Variants in SUMF1 observed in about 807,000 individuals in gnomAD.
SUMF1 encodes formylglycine-generating enzyme.
Under a neutral mutation model 47.6 loss-of-function variants are expected in SUMF1, and 48 were observed. That is an observed-to-expected ratio of 1.01 (90% CI 0.80 to 1.28). The LOEUF (loss-of-function observed/expected upper bound fraction) is 1.28. Ranked by LOEUF, SUMF1 falls within the 50% of genes most tolerant of loss-of-function variation. The pLI is 0.00. For missense variants in SUMF1, 571 were observed against 485.4 expected, an observed-to-expected ratio of 1.18 and a Z score of -1.66; for synonymous variants, 230 against 192.1, an observed-to-expected ratio of 1.20 and a Z score of -1.63.
chr3:4,089,133 C>T (rs1351837099), intron 8 of SUMF1, among the ~76,000 whole-genome samples: 2 of 152,006 alleles, frequency 1.3e-5, no homozygotes, highest in African/African-American at 4.8e-5. Context: ...TATAATTATC[C>T]CTCATGTATT....
intron 8 of SUMF1, among the ~76,000 whole-genome samples, chr3:4,253,249 G>C (rs939444938): frequency 1.8e-4 from 28 of 152,166 alleles, no homozygotes; most frequent in African/African-American, 6.7e-4. Context: ...AATGGAAATA[G>C]GGGGAGGAGC....
intron 8 of SUMF1, among the ~76,000 whole-genome samples, chr3:4,110,707 G>T (rs1279598688): frequency 6.6e-6 from 1 of 151,830 alleles, no homozygotes; most frequent in Non-Finnish European, 1.5e-5. Flanking sequence ...CAGGGATGAA[G>T]CTGGAAACCA....
chr3:4,342,942 T>C (rs907331254), intron 8 of SUMF1, among the ~76,000 whole-genome samples: 1 of 152,190 alleles, frequency 6.6e-6, no homozygotes, highest in African/African-American at 2.4e-5. Context: ...TTACAGATAA[T>C]GTAACTAAAG....
intron 8 of SUMF1, among the ~76,000 whole-genome samples, chr3:4,197,873 G>T (rs887161891): frequency 1.3e-5 from 2 of 152,078 alleles, no homozygotes; most frequent in African/African-American, 4.8e-5. Flanking sequence ...GTGATCCATG[G>T]GGTATCCATT....
chr3:4,052,450 C>G (rs1253640760), intron 9 of SUMF1, among the ~76,000 whole-genome samples: 1 of 152,194 alleles, frequency 6.6e-6, no homozygotes, highest in East Asian at 1.9e-4. Context: ...TAGCCCACTG[C>G]TCTGGACATA....
At chr3:4,460,229 A>T (rs1259399752) in intron 1 of SUMF1, among the ~76,000 whole-genome samples, 1 of 152,218 alleles carries the variant, frequency 6.6e-6, no homozygotes, top group Non-Finnish European at 1.5e-5. Context: ...GAGGAAATAT[A>T]TAAGAAATGC....
chr3:4,090,331 C>G (rs1379867813), intron 8 of SUMF1, among the ~76,000 whole-genome samples: 1 of 152,030 alleles, frequency 6.6e-6, no homozygotes, highest in Non-Finnish European at 1.5e-5. Flanking sequence ...TTTTCTCTCA[C>G]ATTTGGAAGC....
intron 8 of SUMF1, among the ~76,000 whole-genome samples, chr3:4,328,929 G>A (rs1698997476): frequency 6.6e-6 from 1 of 152,194 alleles, no homozygotes; most frequent in Non-Finnish European, 1.5e-5. Flanking sequence ...CCAAATGGGA[G>A]AGATTGGCCA....
At chr3:4,297,730 C>T (rs538693230) in intron 8 of SUMF1, among the ~76,000 whole-genome samples, 6 of 152,162 alleles carry the variant, frequency 3.9e-5, no homozygotes, top group African/African-American at 9.6e-5. Context: ...TATTAGAAGG[C>T]TAAGATGTTT....
downstream of SUMF1, among the ~76,000 whole-genome samples, chr3:4,360,204 T>C (rs558470491): frequency 4.2e-4 from 59 of 139,704 alleles, no homozygotes; most frequent in African/African-American, 1.5e-3. Flanking sequence ...CAATGTTTGT[T>C]CTTTTTTTTT....
chr3:4,066,857 G>A (rs774931046), intron 9 of SUMF1, among the ~76,000 whole-genome samples: 32 of 152,230 alleles, frequency 2.1e-4, no homozygotes, highest in South Asian at 4.1e-4. Flanking sequence ...CTTCGCATAC[G>A]AGCATAAGAC....
chr3:4,442,193 G>A lies in SUMF1; in HGVS notation c.519+7073C>T, dbSNP rs138684938. On this transcript the variant is annotated intron_variant, in intron 3 of 8. Coordinates refer to ENST00000272902, the MANE Select transcript of SUMF1 (RefSeq NM_182760.4). ...GGAATTTTGCCCACTCCAATAAGGA[G>A]TAGGTTTAAGGGGCCCATGGTAAGA... Among the ~76,000 whole-genome samples the A allele has an allele frequency of 2.6e-3, 397 of 152,140 alleles. 2 individuals are homozygous for A. Among genetic ancestry groups the A allele is most frequent in the Middle Eastern group, 0.014 (4 of 292 alleles).
intron 7 of SUMF1, among the ~76,000 whole-genome samples, chr3:4,406,577 C>T (rs794183): frequency 0.57 from 86,097 of 151,992 alleles, 25,952 homozygotes; most frequent in Non-Finnish European, 0.69. Flanking sequence ...GAAGAATTGC[C>T]TGTACCTGGG....
intron 8 of SUMF1, among the ~76,000 whole-genome samples, chr3:4,225,937 T>G (rs313694): frequency 0.18 from 28,097 of 151,894 alleles, 3,123 homozygotes; most frequent in South Asian, 0.38. Flanking sequence ...AACAGGAAGA[T>G]GTAGGATGGA....
chr3:4,130,579 G>C (rs530193348), intron 8 of SUMF1, among the ~76,000 whole-genome samples: 2 of 152,088 alleles, frequency 1.3e-5, no homozygotes, highest in African/African-American at 4.8e-5. Context: ...TGTGCCACAG[G>C]ATGAGAAATA....
At chr3:4,145,694 CAT>C (rs771213255) in intron 8 of SUMF1, among the ~76,000 whole-genome samples, 7 of 152,178 alleles carry the variant, frequency 4.6e-5, no homozygotes, top group Non-Finnish European at 8.8e-5. Flanking sequence ...TGATGGAAAA[CAT>C]ATTCAAACCT....
intron 8 of SUMF1, among the ~76,000 whole-genome samples, chr3:4,145,148 G>C (rs1027105690): frequency 7.0e-5 from 10 of 143,322 alleles, no homozygotes; most frequent in East Asian, 4.1e-4. Context: ...AGCGGCCATC[G>C]CGCCACTGCA....
intron 8 of SUMF1, among the ~76,000 whole-genome samples, chr3:4,131,940 C>T (rs1354405155): frequency 6.6e-6 from 1 of 152,128 alleles, no homozygotes; most frequent in African/African-American, 2.4e-5. Flanking sequence ...GCAACATGGA[C>T]TTTCACTCAC....
At chr3:4,282,024 TA>T (rs1219365330) in intron 8 of SUMF1, among the ~76,000 whole-genome samples, 8 of 152,210 alleles carry the variant, frequency 5.3e-5, no homozygotes, top group Admixed American at 2.6e-4. Context: ...GGTAAAAACT[TA>T]CAACCTTAAT....
Sources: allele counts gnomAD v4.1 joint callset (sites outside exome capture counted in the v4.1 genomes callset), GRCh38; gene constraint gnomAD v4.1.1; transcripts MANE v1.5; gene names NCBI Gene and HGNC (gene_info 2026-07-23, HGNC 2026-07-21).